SLC25A48: variants seen among roughly 807,000 people sequenced by gnomAD.
SLC25A48 encodes the protein CTC-321K16.1.
SLC25A48 carries 29 observed loss-of-function variants against 32.2 expected under a neutral mutation model. That is an observed-to-expected ratio of 0.90 (90% CI 0.67 to 1.23). SLC25A48 has a LOEUF of 1.23. Ranked by LOEUF, SLC25A48 falls within the 50% of genes most tolerant of loss-of-function variation. The pLI is 0.00. For synonymous variants in SLC25A48, 164 were observed against 172.3 expected (o/e 0.95, Z 0.38); for missense variants, 399 against 422.7 (o/e 0.94, Z 0.49).
chr5:135,871,197 G>T (rs1287952235), intron 4 of SLC25A48, among the ~76,000 whole-genome samples: 1 of 151,984 alleles, frequency 6.6e-6, no homozygotes, highest in Non-Finnish European at 1.5e-5. Context: ...CATTTGCTTC[G>T]AAAGAAGTAG....
chr5:135,818,054 CCTCTCTCTCTCTCTCTCTCTCTCTCTCT>C (rs58632457), intron 4 of SLC25A48, among the ~76,000 whole-genome samples: 1,115 of 80,688 alleles, frequency 0.014, 19 homozygotes, highest in East Asian at 0.042. Flanking sequence ...TCTCTCTGTT[CCTCTCTCTCTCTCTCTCTCTCTCTCTCT>C]CTCTCTCTCT....
chr5:135,617,639 G>A (rs12518300), intron 1 of SLC25A48, among the ~76,000 whole-genome samples: 41 of 151,508 alleles, frequency 2.7e-4, no homozygotes, highest in African/African-American at 7.5e-4. Flanking sequence ...GTAGGTTTTA[G>A]TATGTTGTAT....
intron 3 of SLC25A48, among the ~76,000 whole-genome samples, chr5:135,759,024 CAA>C (rs534743823): frequency 6.8e-4 from 103 of 151,574 alleles, no homozygotes; most frequent in African/African-American, 2.3e-3. Context: ...TGAATAATAT[CAA>C]GTGTTGACAC....
intron 3 of SLC25A48, among the ~76,000 whole-genome samples, chr5:135,720,073 AT>A (rs2126981813): frequency 6.6e-6 from 1 of 152,288 alleles, no homozygotes; most frequent in African/African-American, 2.4e-5. Flanking sequence ...CCATTTTTTC[AT>A]TTAGTCAGCT....
chr5:135,582,337 C>A (rs1021861453), intron 1 of SLC25A48, among the ~76,000 whole-genome samples: 1 of 152,110 alleles, frequency 6.6e-6, no homozygotes, highest in Non-Finnish European at 1.5e-5. Context: ...GTGGGGAAGG[C>A]AGACATTAGC....
At chr5:135,731,250 G>A (rs1399614072) in intron 3 of SLC25A48, among the ~76,000 whole-genome samples, 1 of 152,140 alleles carries the variant, frequency 6.6e-6, no homozygotes, top group African/African-American at 2.4e-5. Context: ...ATTTCACAAG[G>A]CAGTGTCATC....
chr5:135,877,791 A>G (rs1383351706), intron 6 of SLC25A48, among the ~76,000 whole-genome samples: 2 of 152,072 alleles, frequency 1.3e-5, no homozygotes, highest in African/African-American at 4.8e-5. Flanking sequence ...TACCAAGTGC[A>G]CAGAAGGTGA....
At chr5:135,613,983 C>G (rs1752130877) in intron 1 of SLC25A48, among the ~76,000 whole-genome samples, 1 of 152,012 alleles carries the variant, frequency 6.6e-6, no homozygotes, top group Non-Finnish European at 1.5e-5. Flanking sequence ...TGAAAAATGA[C>G]ATTGTTATTT....
rs1430501453 is a variant in SLC25A48, at chr5:135,629,853, A to G, written c.-709+477A>G. Among the ~76,000 whole-genome samples the G allele has an allele frequency of 1.3e-5, 2 of 152,200 alleles. No individual in the cohort carries two copies. Among genetic ancestry groups the G allele is most frequent in the African/African-American group, 4.8e-5 (2 of 41,434 alleles). On this transcript the variant is annotated intron_variant, in intron 2 of 10. Transcript: ENST00000646290. The surrounding 1 kb of genome is among the most constrained non-coding windows in gnomAD (Gnocchi z 4.8). ...GGGCCCATTGGCCAGAGAAAACCCT[A>G]GGGCAGAAACTATCAAGAACTTGCC...
intron 1 of SLC25A48, among the ~76,000 whole-genome samples, chr5:135,616,603 G>A (rs1331272903): frequency 6.6e-6 from 1 of 152,184 alleles, no homozygotes; most frequent in Non-Finnish European, 1.5e-5. Context: ...TAACTAACTT[G>A]TTTTTGATTT....
At chr5:135,628,544 C>A (rs1179161844) in intron 1 of SLC25A48, among the ~76,000 whole-genome samples, 1 of 152,126 alleles carries the variant, frequency 6.6e-6, no homozygotes, top group African/African-American at 2.4e-5. Flanking sequence ...CTGGAGAGAT[C>A]ATCCCAGTAG....
rs116467167 is a variant in SLC25A48, at chr5:135,765,950, G to A, written c.-520-46573G>A. Among the ~76,000 whole-genome samples, 487 of 151,794 alleles carry A rather than the reference G, an allele frequency of 3.2e-3. 3 individuals are homozygous for A. Among genetic ancestry groups the A allele is most frequent in the African/African-American group, 0.011 (444 of 41,330 alleles). On this transcript the variant is annotated intron_variant, in intron 3 of 10. Coordinates refer to the SLC25A48 transcript ENST00000646290. ...AGAGGGTCATATTACTTTTCATATC[G>A]TGGATTGCATACATCCCCCCGTGAT...
chr5:135,844,224 T>A (rs1759235164), intron 2 of SLC25A48, among the ~76,000 whole-genome samples: 1 of 152,212 alleles, frequency 6.6e-6, no homozygotes, highest in Non-Finnish European at 1.5e-5. Context: ...ACAGCCTCCC[T>A]GGGTGAGTAC....
At chr5:135,632,101 G>T (rs1170108228) in intron 2 of SLC25A48, among the ~76,000 whole-genome samples, 1 of 152,210 alleles carries the variant, frequency 6.6e-6, no homozygotes, top group Admixed American at 6.5e-5. Context: ...TGGCCTGATT[G>T]TCTTTTGCAG....
intron 4 of SLC25A48, among the ~76,000 whole-genome samples, chr5:135,868,444 C>T (rs955087619): frequency 6.6e-6 from 1 of 152,122 alleles, no homozygotes; most frequent in Non-Finnish European, 1.5e-5. Flanking sequence ...GCATGAAGAT[C>T]AAATGACAAT....
intron 3 of SLC25A48, among the ~76,000 whole-genome samples, chr5:135,770,962 T>A (rs1283266519): frequency 6.6e-6 from 1 of 151,918 alleles, no homozygotes; most frequent in Non-Finnish European, 1.5e-5. Context: ...TTCAACCCCC[T>A]GTTATATTGT....
chr5:135,657,556 G>A (rs373970763), intron 3 of SLC25A48, among the ~76,000 whole-genome samples: 26 of 152,330 alleles, frequency 1.7e-4, no homozygotes, highest in South Asian at 1.2e-3. Context: ...GGGAACTGTC[G>A]TTTACAGACT....
At chr5:135,839,739 C>T (rs1256448767) in intron 1 of SLC25A48, among the ~76,000 whole-genome samples, 2 of 152,062 alleles carry the variant, frequency 1.3e-5, no homozygotes, top group African/African-American at 4.8e-5. Flanking sequence ...TGGGAGAGAC[C>T]CATGTGTCAT....
rs1176733589 is a variant in SLC25A48, at chr5:135,616,634, G to A, written c.-848-12603G>A. Among the ~76,000 whole-genome samples the A allele has an allele frequency of 3.3e-5, 5 of 152,276 alleles. No homozygotes were observed. In the East Asian group the frequency reaches 9.7e-4, roughly 29 times the overall value. On this transcript the variant is annotated intron_variant, in intron 1 of 10. Coordinates refer to the SLC25A48 transcript ENST00000646290. ...GATTTTACAGGCTCATAGACAGAAG[G>A]GACTTGCCTTGTCTCAGATGAGACT...
Sources: gnomAD v4.1 joint callset for allele counts (sites outside exome capture counted in the v4.1 genomes callset) on GRCh38, gnomAD v4.1.1 for gene constraint, Gnocchi (gnomAD v3.1) non-coding constraint, MANE v1.5 for transcripts, NCBI Gene and HGNC (gene_info 2026-07-23, HGNC 2026-07-21) for gene names.